ZNF493: variants seen among roughly 807,000 people sequenced by gnomAD.
The protein encoded by ZNF493 is zinc finger protein 493.
Under a neutral mutation model 12.2 loss-of-function variants are expected in ZNF493, and 11 were observed. The ratio of observed to expected loss-of-function variants is 0.90; its 90% confidence interval spans 0.57 to 1.50. The LOEUF is 1.50. ZNF493 is among the 40% of genes most tolerant of loss of function. The pLI, the probability that ZNF493 is intolerant of heterozygous loss-of-function variation, is 0.00. For synonymous variants in ZNF493, 286 were observed against 302.6 expected (o/e 0.95, Z 0.57); for missense variants, 950 against 906.6 (o/e 1.05, Z -0.61).
At chr19:21,397,346 C>G (rs1003951938) in intron 1 of ZNF493, 79 bp downstream of exon 1, 1 of 1,529,704 alleles carries the variant, frequency 6.5e-7, no homozygotes, top group East Asian at 2.2e-5. Flanking sequence ...TGGCGGGACT[C>G]AGGCCTCCCC....
intron 3 of ZNF493, among the ~76,000 whole-genome samples, chr19:21,407,043 A>G (rs1008386702): frequency 6.6e-6 from 1 of 151,844 alleles, no homozygotes; most frequent in African/African-American, 2.4e-5. Flanking sequence ...TATTTTAATT[A>G]TATTTTTAAA....
intron 3 of ZNF493, chr19:21,408,408 C>A: frequency 1.0e-6 from 1 of 982,732 alleles, no homozygotes; most frequent in Non-Finnish European, 1.2e-6. Flanking sequence ...GGATTACAGA[C>A]GTGAGCCACC....
intron 1 of ZNF493, chr19:21,398,407 C>T (rs533149346): frequency 5.4e-6 from 1 of 186,028 alleles, no homozygotes; most frequent in Non-Finnish European, 1.1e-5. Context: ...TTCATCTTGT[C>T]TAGGCACAGA....
At chr19:21,419,857 T>TGA (rs1285378087) in intron 3 of ZNF493, among the ~76,000 whole-genome samples, 13 of 152,146 alleles carry the variant, frequency 8.5e-5, no homozygotes, top group African/African-American at 3.1e-4. Flanking sequence ...CTGGGTCTCC[T>TGA]AGGGTGAGAG....
At chr19:21,420,623 ATTTTTTTTTTTTTTTT>A (rs1164416201) in intron 3 of ZNF493, among the ~76,000 whole-genome samples, 24 of 16,108 alleles carry the variant, frequency 1.5e-3, no homozygotes, top group Non-Finnish European at 2.0e-3. Flanking sequence ...ATATATATAT[ATTTTTTTTTTTTTTTT>A]TTTTTTTTTT....
rs1275395388 is a variant in ZNF493 at position 21,423,982 on chromosome 19, C to G, written c.1323C>G (p.Thr441=). ...ACAAATGTGAAGAATGTGGCAAAAC[C>G]TTTAGTGTATTCTCAATTCTTACTA... ...KPYKCEECGK[T]FSVFSILTKH... The change falls in exon 4 of 4, where the codon ACC becomes ACG. Residue 441 remains threonine (T), a synonymous_variant. Transcript: ENST00000392288. 1 of 1,606,654 alleles carries G rather than the reference C, an allele frequency of 6.2e-7. No individual in the cohort carries two copies. The highest frequency in any genetic ancestry group is 2.3e-5 in the East Asian group (1 of 44,384).
Position 21,423,156 on chromosome 19 carries a change from T to A in ZNF493, c.497T>A (p.Leu166His). 6.2e-7 allele frequency: 1 copy of A among 1,613,446 alleles called. No individual in the cohort carries two copies. Among genetic ancestry groups the A allele is most frequent in the Non-Finnish European group, 8.5e-7 (1 of 1,179,748 alleles). The change falls in exon 4 of 4, where the codon CTT becomes CAT. Residue 166 changes from leucine (L) to histidine (H), a missense_variant. Transcript: ENST00000392288. ...AAATATGTGAAAGTCTTTCATAAAC[T>A]TTTAAATTCAAATAGACATAACACA... Reference protein sequence around the residue: ...CDKYVKVFHKLLNSNRHNTKH... With the variant: ...CDKYVKVFHKHLNSNRHNTKH...
chr19:21,403,881 C>T (rs2030031326), intron 1 of ZNF493, among the ~76,000 whole-genome samples: 1 of 152,114 alleles, frequency 6.6e-6, no homozygotes, highest in Non-Finnish European at 1.5e-5. Flanking sequence ...TAAATCATGG[C>T]TTCTTATACG....
chr19:21,421,826 T>C (rs1329630245), intron 3 of ZNF493, among the ~76,000 whole-genome samples: 1 of 152,198 alleles, frequency 6.6e-6, no homozygotes, highest in Non-Finnish European at 1.5e-5. Context: ...ATTTTGTGTT[T>C]ATTTTTTAGT....
chr19:21,421,210 T>A (rs929378343), intron 3 of ZNF493, among the ~76,000 whole-genome samples: 76 of 151,870 alleles, frequency 5.0e-4, no homozygotes, highest in Non-Finnish European at 7.1e-4. Flanking sequence ...AGGGTTTTTT[T>A]ATATTTTTTT....
intron 3 of ZNF493, among the ~76,000 whole-genome samples, chr19:21,421,884 T>A (rs893864760): frequency 2.0e-5 from 3 of 152,056 alleles, no homozygotes; most frequent in African/African-American, 7.2e-5. Flanking sequence ...TCTCAGTCTG[T>A]CATGAGGCAG....
intron 1 of ZNF493, 30 bp from the exon 2 acceptor site, chr19:21,405,099 T>C (rs1250862249): frequency 6.2e-7 from 1 of 1,608,146 alleles, no homozygotes; most frequent in African/African-American, 1.3e-5. Context: ...TGTGTGTGTG[T>C]GTGTGTGTGT....
At chr19:21,408,289 C>G (rs2030204362) in intron 3 of ZNF493, 1 of 603,530 alleles carries the variant, frequency 1.7e-6, no homozygotes, top group South Asian at 7.4e-5. Flanking sequence ...GCACGCCCAG[C>G]TAATTTTTTG....
At chr19:21,401,806 G>C (rs946487280) in intron 1 of ZNF493, among the ~76,000 whole-genome samples, 3 of 151,772 alleles carry the variant, frequency 2.0e-5, no homozygotes, top group Admixed American at 6.6e-5. Context: ...TGTATTTTTA[G>C]TAGAGATGGG....
At chr19:21,406,026 G>A (rs2030114629) in intron 3 of ZNF493, among the ~76,000 whole-genome samples, 170 bp downstream of exon 3, 1 of 151,256 alleles carries the variant, frequency 6.6e-6, no homozygotes, top group East Asian at 2.0e-4. Context: ...TTCGAGACCA[G>A]ACTGGCCAAC....
intron 3 of ZNF493, chr19:21,408,595 T>C: frequency 2.0e-6 from 2 of 985,274 alleles, no homozygotes; most frequent in African/African-American, 3.5e-5. Flanking sequence ...TTTAATGGTA[T>C]ATTAATGTTG....
At chr19:21,404,611 C>T (rs959430668) in intron 1 of ZNF493, among the ~76,000 whole-genome samples, 2 of 152,220 alleles carry the variant, frequency 1.3e-5, no homozygotes. Context: ...ACAGGATCTT[C>T]CACTTACTGG....
intron 1 of ZNF493, chr19:21,397,473 C>A (rs1324976462): frequency 4.6e-6 from 3 of 654,572 alleles, no homozygotes; most frequent in Non-Finnish European, 5.5e-6. Flanking sequence ...CCTGTCTCTT[C>A]CCTGCACTGT....
In ZNF493 at chr19:21,417,847, A is replaced by G. The variant is rs1028830550; in HGVS notation, c.254-5066A>G. Among the ~76,000 whole-genome samples, 86 of 152,238 alleles carry G rather than the reference A, an allele frequency of 5.6e-4. 1 individual carries two copies. Among genetic ancestry groups the G allele is most frequent in the African/African-American group, 2.0e-3 (83 of 41,458 alleles). On this transcript the variant is annotated intron_variant, in intron 3 of 3. Transcript: ENST00000392288. ...AGACAAGCTCAAGTAAGAGCATCCC[A>G]GTTAGTAGGAATCATCAGACTGGAA...
Sources: gnomAD v4.1 joint callset for allele counts (sites outside exome capture counted in the v4.1 genomes callset) on GRCh38, gnomAD v4.1.1 for gene constraint, MANE v1.5 for transcripts, NCBI Gene and HGNC (gene_info 2026-07-23, HGNC 2026-07-21) for gene names.